PDE4B: variants seen among roughly 807,000 people sequenced by gnomAD.
PDE4B encodes phosphodiesterase 4B, also known as 3',5'-cyclic-AMP phosphodiesterase 4B.
In PDE4B, 20 loss-of-function variants were observed where a neutral mutation model predicts 82.2. The observed-to-expected ratio is 0.24, with a 90% CI of 0.17 to 0.35. The LOEUF is 0.35. PDE4B is among the 10% of genes least tolerant of loss of function. The probability of loss-of-function intolerance (pLI) is 1.00; values close to 1 mark genes in which losing one functional copy is unlikely to be tolerated. For missense variants in PDE4B, 655 were observed against 907.2 expected, an observed-to-expected ratio of 0.72 and a Z score of 3.57; for synonymous variants, 320 against 318.9, an observed-to-expected ratio of 1.00 and a Z score of -0.04.
chr1:66,121,546 C>T (rs10889604), intron 3 of PDE4B, among the ~76,000 whole-genome samples: 10,100 of 152,168 alleles, frequency 0.066, 660 homozygotes, highest in African/African-American at 0.16. Context: ...TGAGTAAGAA[C>T]TAGACAAGAA....
chr1:66,093,315 C>T (rs1042573297), intron 3 of PDE4B, among the ~76,000 whole-genome samples: 1 of 152,016 alleles, frequency 6.6e-6, no homozygotes, highest in African/African-American at 2.4e-5. Flanking sequence ...TACATTATTT[C>T]ATTTAATTCT....
intron 3 of PDE4B, among the ~76,000 whole-genome samples, chr1:65,970,975 A>G (rs951061802): frequency 3.3e-5 from 5 of 151,294 alleles, no homozygotes; most frequent in African/African-American, 4.9e-5. Context: ...AGGCTAAAGG[A>G]TAAGAGAGGA....
At chr1:65,877,554 G>A (rs565741549) in intron 1 of PDE4B, among the ~76,000 whole-genome samples, 1 of 151,958 alleles carries the variant, frequency 6.6e-6, no homozygotes, top group East Asian at 1.9e-4. Context: ...GGCAGAGTTT[G>A]CAGTGAGCCA....
At chr1:66,085,690 A>C (rs1026715030) in intron 3 of PDE4B, among the ~76,000 whole-genome samples, 6 of 152,054 alleles carry the variant, frequency 3.9e-5, no homozygotes, top group African/African-American at 1.4e-4. Context: ...TGCTGTAGGA[A>C]ACAGAGTGGC....
chr1:66,337,335 A>C (rs1660604943), intron 8 of PDE4B, among the ~76,000 whole-genome samples: 1 of 152,170 alleles, frequency 6.6e-6, no homozygotes, highest in South Asian at 2.1e-4. Flanking sequence ...CCCTCTCTAA[A>C]CTACATTTTG....
intron 1 of PDE4B, among the ~76,000 whole-genome samples, chr1:65,816,190 AGTGTGTGTGTGTGTGTGT>A (rs139330007): frequency 6.0e-5 from 8 of 132,886 alleles, no homozygotes; most frequent in African/African-American, 2.3e-4. Context: ...TTATTAATGC[AGTGTGTGTGTGTGTGTGT>A]GTGTGTGTGT....
chr1:65,806,719 C>A (rs193088991), intron 1 of PDE4B, among the ~76,000 whole-genome samples: 1 of 152,212 alleles, frequency 6.6e-6, no homozygotes, highest in Non-Finnish European at 1.5e-5. Flanking sequence ...TGATTCCCCA[C>A]TGATCCTATC....
intron 3 of PDE4B, among the ~76,000 whole-genome samples, chr1:66,142,800 T>C (rs1038745529): frequency 6.6e-6 from 1 of 152,202 alleles, no homozygotes; most frequent in African/African-American, 2.4e-5. Flanking sequence ...CATTTGGTAA[T>C]TTTGTGTCTT....
chr1:66,049,385 G>A (rs961462098), intron 3 of PDE4B, among the ~76,000 whole-genome samples: 3 of 152,018 alleles, frequency 2.0e-5, no homozygotes, highest in Non-Finnish European at 2.9e-5. Flanking sequence ...GGAGTGTGGT[G>A]TCTGTGTTAG....
intron 3 of PDE4B, among the ~76,000 whole-genome samples, chr1:65,973,347 A>G (rs1004284057): frequency 8.6e-5 from 13 of 152,012 alleles, no homozygotes; most frequent in African/African-American, 2.4e-4. Context: ...TGTATTTTAT[A>G]GAGTAACTGA....
chr1:66,295,379 T>C (rs570644913), intron 7 of PDE4B, among the ~76,000 whole-genome samples: 2 of 152,308 alleles, frequency 1.3e-5, no homozygotes, highest in African/African-American at 4.8e-5. Flanking sequence ...TTACTATATA[T>C]GCTTTACTTG....
chr1:66,284,027 A>G (rs1160108083), intron 7 of PDE4B, among the ~76,000 whole-genome samples: 1 of 152,210 alleles, frequency 6.6e-6, no homozygotes, highest in Non-Finnish European at 1.5e-5. Flanking sequence ...TACAGAAATG[A>G]ATAAAACATG....
At chr1:66,315,818 T>C (rs984115212) in intron 7 of PDE4B, among the ~76,000 whole-genome samples, 1 of 151,936 alleles carries the variant, frequency 6.6e-6, no homozygotes, top group African/African-American at 2.4e-5. Context: ...TGAAGGTGAG[T>C]CATTCCCTCT....
At chr1:66,199,119 TA>T (rs1327287072) in intron 3 of PDE4B, among the ~76,000 whole-genome samples, 2 of 151,874 alleles carry the variant, frequency 1.3e-5, no homozygotes, top group East Asian at 1.9e-4. Context: ...CCTTTGGGTA[TA>T]TACCCAGTAA....
intron 3 of PDE4B, among the ~76,000 whole-genome samples, chr1:66,239,995 A>G (rs1570536713): frequency 6.6e-6 from 1 of 152,212 alleles, no homozygotes; most frequent in East Asian, 1.9e-4. Context: ...AATGTGAATG[A>G]TTTTTGCTGT....
chr1:66,312,370 A>G (rs1209185996), intron 7 of PDE4B, among the ~76,000 whole-genome samples: 1 of 152,204 alleles, frequency 6.6e-6, no homozygotes, highest in Non-Finnish European at 1.5e-5. Context: ...CTAAGGGAAC[A>G]TCCATTTTCC....
chr1:66,137,209 T>C (rs933143516), intron 3 of PDE4B, among the ~76,000 whole-genome samples: 2 of 151,952 alleles, frequency 1.3e-5, no homozygotes, highest in Non-Finnish European at 2.9e-5. Context: ...AGAAGGATAA[T>C]TGATGGTAGA....
intron 1 of PDE4B, among the ~76,000 whole-genome samples, chr1:65,848,770 C>A (rs1056397522): frequency 2.6e-5 from 4 of 152,086 alleles, no homozygotes; most frequent in Non-Finnish European, 5.9e-5. Flanking sequence ...TATGACAAAT[C>A]ATTCATCCAT....
chr1:66,329,965 C>G (rs1239783782), intron 7 of PDE4B, among the ~76,000 whole-genome samples: 2 of 152,134 alleles, frequency 1.3e-5, no homozygotes, highest in African/African-American at 4.8e-5. Flanking sequence ...GCTAAAACTA[C>G]AAAGTTATAT....
Sources: gnomAD v4.1 joint callset for allele counts (sites outside exome capture counted in the v4.1 genomes callset) on GRCh38, gnomAD v4.1.1 for gene constraint, MANE v1.5 for transcripts, NCBI Gene and HGNC (gene_info 2026-07-23, HGNC 2026-07-21) for gene names.